Variants in CHST9 observed in about 807,000 individuals in gnomAD.
The protein encoded by CHST9 is carbohydrate sulfotransferase 9.
Under a neutral mutation model 44.4 loss-of-function variants are expected in CHST9, and 41 were observed. The observed-to-expected ratio is 0.92, with a 90% confidence interval of 0.72 to 1.20. The LOEUF (loss-of-function observed/expected upper bound fraction) is 1.20, where lower values mean the gene tolerates loss of function less well. CHST9 is among the 50% of genes most tolerant of loss of function. The pLI is 0.00. For synonymous variants in CHST9, 171 were observed against 178.4 expected (o/e 0.96, Z 0.33); for missense variants, 504 against 516.5 (o/e 0.98, Z 0.23).
intron 1 of CHST9, among the ~76,000 whole-genome samples, chr18:27,170,463 C>T (rs2058825818): frequency 6.6e-6 from 1 of 152,176 alleles, no homozygotes; most frequent in African/African-American, 2.4e-5. Context: ...CAAATCTCCC[C>T]TGATTAAACA....
intron 5 of CHST9, among the ~76,000 whole-genome samples, chr18:26,922,398 C>T (rs184244842): frequency 5.5e-4 from 83 of 152,222 alleles, no homozygotes; most frequent in African/African-American, 1.9e-3. Context: ...TTCCAGCTTC[C>T]ACAGTTATTT....
At chr18:27,121,973 G>A (rs1271240384) in intron 2 of CHST9, among the ~76,000 whole-genome samples, 2 of 152,134 alleles carry the variant, frequency 1.3e-5, no homozygotes, top group East Asian at 1.9e-4. Context: ...ATGATAAATT[G>A]GTGGTCAATG....
At position 27,116,681 on chromosome 18, in the gene CHST9, G is replaced by C. The variant is rs140923459; in HGVS notation, c.121+26008C>G. Among the ~76,000 whole-genome samples the C allele has an allele frequency of 4.8e-3, 737 of 152,238 alleles. 5 individuals carry two copies. Among genetic ancestry groups the C allele is most frequent in the African/African-American group, 0.017 (716 of 41,546 alleles). Reference sequence around the variant, plus strand: ...GTATGTTGAATTTATAGATAAATTTGGAGAGTTATTGCCATTTTAACAATG... The same window carrying C: ...GTATGTTGAATTTATAGATAAATTTCGAGAGTTATTGCCATTTTAACAATG... On this transcript the variant is annotated intron_variant, in intron 2 of 5. Transcript: ENST00000618847.
chr18:26,946,351 A>G (rs149199607), intron 4 of CHST9, among the ~76,000 whole-genome samples: 1 of 152,312 alleles, frequency 6.6e-6, no homozygotes, highest in Non-Finnish European at 1.5e-5. Flanking sequence ...GAAGAACATG[A>G]CAAGGGCCAT....
intron 2 of CHST9, among the ~76,000 whole-genome samples, chr18:27,059,552 A>G (rs1239142821): frequency 1.3e-5 from 2 of 152,236 alleles, no homozygotes; most frequent in African/African-American, 4.8e-5. Context: ...AACAGAATCT[A>G]TGCTTGTGAA....
intron 2 of CHST9, among the ~76,000 whole-genome samples, chr18:27,120,782 T>A (rs1030042686): frequency 6.6e-6 from 1 of 152,194 alleles, no homozygotes. Context: ...AGAGTTCATG[T>A]AACATATTTG....
intron 2 of CHST9, among the ~76,000 whole-genome samples, chr18:27,056,441 T>G (rs988380256): frequency 1.3e-5 from 2 of 152,264 alleles, no homozygotes; most frequent in East Asian, 3.9e-4. Flanking sequence ...GGTGAAAACT[T>G]TGAGTTGTAG....
chr18:27,146,914 C>T (rs961142595), intron 1 of CHST9, among the ~76,000 whole-genome samples: 3 of 152,124 alleles, frequency 2.0e-5, no homozygotes, highest in Non-Finnish European at 4.4e-5. Context: ...ATTCTGTCAT[C>T]TCTTTTCCAA....
chr18:27,093,190 T>G (rs910019936), intron 2 of CHST9, among the ~76,000 whole-genome samples: 18 of 152,230 alleles, frequency 1.2e-4, no homozygotes, highest in Middle Eastern at 3.2e-3. Context: ...CCAGTTAGGC[T>G]ACACAGGGAT....
At chr18:27,179,728 A>G (rs936063511) in intron 1 of CHST9, among the ~76,000 whole-genome samples, 2 of 152,132 alleles carry the variant, frequency 1.3e-5, no homozygotes, top group Admixed American at 6.6e-5. Context: ...TTTTATTTAC[A>G]TTCCCACCAA....
chr18:27,157,234 G>A (rs1321432347), intron 1 of CHST9, among the ~76,000 whole-genome samples: 1 of 151,312 alleles, frequency 6.6e-6, no homozygotes, highest in Non-Finnish European at 1.5e-5. Context: ...GGCATCAGAT[G>A]TGTTGTTATT....
intron 1 of CHST9, among the ~76,000 whole-genome samples, chr18:27,183,314 T>G (rs12456123): frequency 0.71 from 108,222 of 152,084 alleles, 39,623 homozygotes; most frequent in Middle Eastern, 0.89. Context: ...GTCATGGGAA[T>G]GTATGAAATG....
At chr18:27,088,921 C>T (rs1048548965) in intron 2 of CHST9, among the ~76,000 whole-genome samples, 4 of 152,140 alleles carry the variant, frequency 2.6e-5, no homozygotes, top group African/African-American at 9.7e-5. Context: ...TAACAGTCTG[C>T]CCTTCAGAAC....
chr18:27,073,732 C>T (rs1007795415), intron 2 of CHST9, among the ~76,000 whole-genome samples: 4 of 151,924 alleles, frequency 2.6e-5, no homozygotes, highest in African/African-American at 7.3e-5. Flanking sequence ...CCTACTCCCC[C>T]GCAACCCCCT....
chr18:26,944,521 C>G (rs2056133360), intron 4 of CHST9, among the ~76,000 whole-genome samples, 155 bp from the exon 5 acceptor site: 1 of 152,006 alleles, frequency 6.6e-6, no homozygotes, highest in African/African-American at 2.4e-5. Flanking sequence ...ACAACCACTT[C>G]AATAACTGGG....
At chr18:27,046,279 A>C (rs963806124) in intron 3 of CHST9, among the ~76,000 whole-genome samples, 15 of 152,078 alleles carry the variant, frequency 9.9e-5, no homozygotes, top group Non-Finnish European at 1.2e-4. Context: ...AAGACTCTTT[A>C]AACAAAGAAT....
chr18:26,954,322 G>C (rs567418009), intron 4 of CHST9, among the ~76,000 whole-genome samples: 4 of 152,320 alleles, frequency 2.6e-5, no homozygotes, highest in Admixed American at 2.6e-4. Context: ...CAGTGTGTCA[G>C]TGTCTTCAGA....
intron 5 of CHST9, among the ~76,000 whole-genome samples, chr18:26,932,823 A>T (rs1598569679): frequency 6.6e-6 from 1 of 152,192 alleles, no homozygotes; most frequent in African/African-American, 2.4e-5. Flanking sequence ...TCAAGTTTCC[A>T]TATTCTAGGT....
In CHST9 at chr18:26,956,344, T is replaced by TAC. The variant is rs201855880; in HGVS notation, c.203-11980_203-11979dup. Among the ~76,000 whole-genome samples, 557 of 142,120 alleles carry TAC rather than the reference T, an allele frequency of 3.9e-3. 13 individuals are homozygous for TAC. Among genetic ancestry groups the TAC allele is most frequent in the Non-Finnish European group, 2.4e-3 (158 of 66,340 alleles). 93.2% of individuals were successfully genotyped at this position (142,120 alleles called of 152,430 possible). On this transcript the variant is annotated intron_variant, in intron 4 of 5. Transcript: ENST00000618847. The stretch of plus-strand genomic sequence containing the variant: ...AAAAAAAAATATATATATATATATA[T>TAC]ACACACACAATTATATCATATATAC...
Sources: allele counts gnomAD v4.1 joint callset (sites outside exome capture counted in the v4.1 genomes callset), GRCh38; gene constraint gnomAD v4.1.1; transcripts MANE v1.5; gene names NCBI Gene and HGNC (gene_info 2026-07-23, HGNC 2026-07-21).